Variants in GSG1L observed in about 807,000 individuals in gnomAD.
GSG1L encodes germ cell-specific gene 1-like protein.
In GSG1L, 24 loss-of-function variants were observed where a neutral mutation model predicts 42.1. That is an observed-to-expected ratio of 0.57 (90% CI 0.41 to 0.80). GSG1L has a LOEUF of 0.80. GSG1L is among the 30% of genes least tolerant of loss of function. The probability of loss-of-function intolerance (pLI) is 0.00; values close to 1 mark genes in which losing one functional copy is unlikely to be tolerated. For missense variants in GSG1L, 445 were observed against 472.2 expected, an observed-to-expected ratio of 0.94 and a Z score of 0.53; for synonymous variants, 215 against 203.5, an observed-to-expected ratio of 1.06 and a Z score of -0.48.
chr16:27,822,009 G>A (rs966205376), intron 5 of GSG1L, among the ~76,000 whole-genome samples: 10 of 151,876 alleles, frequency 6.6e-5, no homozygotes, highest in Non-Finnish European at 1.0e-4. Flanking sequence ...ACCATTTGCC[G>A]CTTGCTACAG....
At chr16:27,809,280 C>A (rs944266296) in intron 5 of GSG1L, among the ~76,000 whole-genome samples, 26 of 152,062 alleles carry the variant, frequency 1.7e-4, no homozygotes, top group African/African-American at 6.3e-4. Context: ...GTGTGTGCTT[C>A]TAGTCCCAGC....
At chr16:28,017,333 C>T (rs190215388) in intron 1 of GSG1L, among the ~76,000 whole-genome samples, 1 of 152,262 alleles carries the variant, frequency 6.6e-6, no homozygotes, top group African/African-American at 2.4e-5. Context: ...CAAATGTCAG[C>T]GAGGACGTGG....
rs1491348998 is a variant in GSG1L at position 27,979,725 on chromosome 16, AGG to A, written c.350-16524_350-16523del. 4.4e-3 allele frequency among the ~76,000 whole-genome samples: 229 copies of A among 51,686 alleles called. 2 individuals are homozygous for A. Among genetic ancestry groups the A allele is most frequent in the Non-Finnish European group, 5.6e-3 (133 of 23,702 alleles). 33.9% of individuals were successfully genotyped at this position (51,686 alleles called of 152,430 possible). ...AAGGAAGGAAGGAAGGAAGGAAGGA[AGG>A]AAAGAAAAAGAAAGAAAGAAAGGAA... is the stretch of plus-strand genomic sequence containing the variant. On this transcript the variant is annotated intron_variant, in intron 1 of 6. Coordinates refer to ENST00000447459, the MANE Select transcript of GSG1L (RefSeq NM_001109763.2).
chr16:27,938,772 G>A (rs2084750671), intron 2 of GSG1L, among the ~76,000 whole-genome samples: 1 of 152,214 alleles, frequency 6.6e-6, no homozygotes, highest in Non-Finnish European at 1.5e-5. Context: ...ATGGTGGTAG[G>A]AAGTGAGCAG....
chr16:27,924,456 A>G (rs1395278447), intron 2 of GSG1L, among the ~76,000 whole-genome samples: 3 of 152,242 alleles, frequency 2.0e-5, no homozygotes, highest in Non-Finnish European at 4.4e-5. Flanking sequence ...ACATTTTTAC[A>G]TCATGCAGGG....
In GSG1L at chr16:27,790,596, A is replaced by T. The variant is rs561390620; in HGVS notation, c.*774T>A. ...GTGATGTTGCTGAGCTCTGAAGAGA[A>T]ATGTGGCTTCTTCACCCTCCCTGCT... On this transcript the variant is annotated 3_prime_UTR_variant, in exon 7 of 7. Transcript: ENST00000447459. 1 of 152,414 alleles carries T rather than the reference A, an allele frequency of 6.6e-6. No individual in the cohort carries two copies. Among genetic ancestry groups the T allele is most frequent in the Non-Finnish European group, 1.5e-5 (1 of 68,106 alleles). The allele number at this position is 152,414 out of a possible 1,614,324, so 9.4% of individuals were successfully genotyped here. A position where few individuals can be genotyped will look rare whatever the true frequency, so the allele number is the denominator to read the frequency against.
In GSG1L at chr16:28,063,525, G is replaced by A; in HGVS notation, c.-101C>T. Reference sequence around the variant, plus strand: ...CAGCGGCCGCTGCCCGCCGCGCCCCGGGGCTCGGGTGCCTGAGATCGGCGG... The same window carrying A: ...CAGCGGCCGCTGCCCGCCGCGCCCCAGGGCTCGGGTGCCTGAGATCGGCGG... On this transcript the variant is annotated 5_prime_UTR_variant, in exon 1 of 7. Coordinates refer to ENST00000447459, the MANE Select transcript of GSG1L (RefSeq NM_001109763.2). The surrounding 1 kb of genome is among the most constrained non-coding windows in gnomAD (Gnocchi z 5.8). The A allele has an allele frequency of 1.4e-6, 1 of 725,234 alleles. No homozygotes were observed. The highest frequency in any genetic ancestry group is 1.8e-6 in the Non-Finnish European group (1 of 570,330). 44.9% of individuals were successfully genotyped at this position (725,234 alleles called of 1,614,324 possible).
At chr16:27,943,612 T>A (rs1344110923) in intron 2 of GSG1L, among the ~76,000 whole-genome samples, 1 of 136,082 alleles carries the variant, frequency 7.3e-6, no homozygotes, top group Non-Finnish European at 1.5e-5. Flanking sequence ...TCTTGCTGTG[T>A]CACCCAGACT....
intron 5 of GSG1L, among the ~76,000 whole-genome samples, chr16:27,811,733 C>T (rs369680441): frequency 6.6e-6 from 1 of 152,240 alleles, no homozygotes; most frequent in African/African-American, 2.4e-5. Flanking sequence ...ACTGCAACTT[C>T]CACCTCCTGG....
At chr16:27,851,922 C>T (rs2083519270) in intron 3 of GSG1L, among the ~76,000 whole-genome samples, 2 of 152,190 alleles carry the variant, frequency 1.3e-5, no homozygotes, top group Non-Finnish European at 2.9e-5. Flanking sequence ...ATGACCCCTC[C>T]CAAGGGGTCT....
intron 1 of GSG1L, among the ~76,000 whole-genome samples, chr16:27,986,749 T>C (rs2085389012): frequency 6.6e-6 from 1 of 152,220 alleles, no homozygotes; most frequent in African/African-American, 2.4e-5. Context: ...GGACCTTGAT[T>C]TGGGGAGACC....
At chr16:27,802,809 C>G (rs934648770) in intron 6 of GSG1L, among the ~76,000 whole-genome samples, 1 of 152,100 alleles carries the variant, frequency 6.6e-6, no homozygotes, top group Non-Finnish European at 1.5e-5. Flanking sequence ...CTTGCACCAC[C>G]ATGCCCAGCT....
rs185717839 is a variant in GSG1L at position 27,977,714 on chromosome 16, C to T, written c.350-14511G>A. Among the ~76,000 whole-genome samples, 631 of 152,042 alleles carry T rather than the reference C, an allele frequency of 4.2e-3. 3 individuals are homozygous for T. The highest frequency in any genetic ancestry group is 3.7e-3 in the Non-Finnish European group (254 of 68,002). ...AAAGTAGAGAGACTAGTACAAAAAG[C>T]CCCATGTCCCCATCACCAGCTTCAA... On this transcript the variant is annotated intron_variant, in intron 1 of 6. Transcript: ENST00000447459.
intron 3 of GSG1L, among the ~76,000 whole-genome samples, chr16:27,856,249 A>C (rs1292421866): frequency 6.6e-6 from 1 of 152,204 alleles, no homozygotes; most frequent in African/African-American, 2.4e-5. Context: ...GGGCAGGGAC[A>C]GTGGGGGACA....
chr16:27,880,614 A>G (rs958689641), intron 3 of GSG1L, among the ~76,000 whole-genome samples: 3 of 152,094 alleles, frequency 2.0e-5, no homozygotes, highest in African/African-American at 4.8e-5. Flanking sequence ...GGGTCTCCCC[A>G]CTAGGAGGAA....
At chr16:27,878,735 C>G (rs763726969) in intron 3 of GSG1L, among the ~76,000 whole-genome samples, 5 of 152,208 alleles carry the variant, frequency 3.3e-5, no homozygotes, top group Non-Finnish European at 4.4e-5. Flanking sequence ...TCACACCCAA[C>G]CTGTTAAAGA....
chr16:27,865,513 C>G (rs2083703678), intron 3 of GSG1L, among the ~76,000 whole-genome samples: 1 of 122,698 alleles, frequency 8.2e-6, no homozygotes, highest in Non-Finnish European at 1.7e-5. Flanking sequence ...CTTTCTTTCT[C>G]TCTCTCTTTC....
intron 6 of GSG1L, among the ~76,000 whole-genome samples, chr16:27,794,052 T>C (rs1389401543): frequency 6.6e-6 from 1 of 152,232 alleles, no homozygotes; most frequent in Non-Finnish European, 1.5e-5. Context: ...TCTCACTCTG[T>C]CACCCAAGAT....
intron 6 of GSG1L, among the ~76,000 whole-genome samples, chr16:27,801,458 G>A (rs902820147): frequency 5.9e-5 from 9 of 152,182 alleles, no homozygotes; most frequent in South Asian, 2.1e-4. Flanking sequence ...CGCCTCCCCC[G>A]TTCCTCCTGC....
Sources: gnomAD v4.1 joint callset for allele counts (sites outside exome capture counted in the v4.1 genomes callset) on GRCh38, gnomAD v4.1.1 for gene constraint, Gnocchi (gnomAD v3.1) non-coding constraint, MANE v1.5 for transcripts, NCBI Gene and HGNC (gene_info 2026-07-23, HGNC 2026-07-21) for gene names.